The following AGBL1 variants were observed in gnomAD, a reference collection of about 807,000 sequenced individuals.
AGBL1 encodes AGBL carboxypeptidase 1, also known as cytosolic carboxypeptidase 4.
A neutral mutation model predicts 118.9 loss-of-function variants in AGBL1; 130 were observed. The observed-to-expected ratio is 1.09, with a 90% confidence interval of 0.95 to 1.26. The LOEUF is 1.26. Among genes scored for constraint, AGBL1 ranks in the 50% most tolerant of loss-of-function variants. The pLI is 0.00. For missense variants in AGBL1, 1,584 were observed against 1,298.1 expected (o/e 1.22, Z -3.38); for synonymous variants, 555 against 478.9 (o/e 1.16, Z -2.08).
At chr15:86,139,683 G>A (rs2076935734) in intron 1 of AGBL1, among the ~76,000 whole-genome samples, 1 of 151,998 alleles carries the variant, frequency 6.6e-6, no homozygotes, top group African/African-American at 2.4e-5. Flanking sequence ...TCTCAGAATA[G>A]GAGTTAGAAA....
intron 22 of AGBL1, among the ~76,000 whole-genome samples, chr15:86,858,390 T>A (rs2141474505): frequency 6.6e-6 from 1 of 152,140 alleles, no homozygotes; most frequent in South Asian, 2.1e-4. Context: ...GGCACAGGAC[T>A]AAATACTGGG....
At chr15:86,263,450 T>C (rs999474476) in intron 10 of AGBL1, among the ~76,000 whole-genome samples, 1 of 152,188 alleles carries the variant, frequency 6.6e-6, no homozygotes, top group Non-Finnish European at 1.5e-5. Context: ...CATTCCCCAT[T>C]GTTAGGTAAT....
chr15:86,752,203 C>T (rs2077864972), intron 22 of AGBL1, among the ~76,000 whole-genome samples: 1 of 152,020 alleles, frequency 6.6e-6, no homozygotes, highest in Non-Finnish European at 1.5e-5. Context: ...CTAAATGAAG[C>T]CCTCACACTG....
chr15:86,277,431 C>G (rs924564078), intron 15 of AGBL1, among the ~76,000 whole-genome samples: 2 of 152,106 alleles, frequency 1.3e-5, no homozygotes, highest in South Asian at 2.1e-4. Flanking sequence ...CATGGAAGCT[C>G]AAGAGCTAAG....
At chr15:86,233,329 A>G (rs563801173) in intron 6 of AGBL1, among the ~76,000 whole-genome samples, 4 of 152,066 alleles carry the variant, frequency 2.6e-5, no homozygotes, top group Non-Finnish European at 5.9e-5. Context: ...TTTTTCAAAC[A>G]TGGGAGGGCT....
chr15:87,008,355 C>A (rs539678728), intron 24 of AGBL1, among the ~76,000 whole-genome samples: 1 of 152,282 alleles, frequency 6.6e-6, no homozygotes, highest in East Asian at 1.9e-4. Context: ...AGGAGTTTCC[C>A]TGCACAAGCT....
At chr15:86,325,803 C>T (rs1253577051) in intron 17 of AGBL1, among the ~76,000 whole-genome samples, 2 of 152,140 alleles carry the variant, frequency 1.3e-5, no homozygotes, top group African/African-American at 4.8e-5. Context: ...TCACATAGAT[C>T]TCAGAGTGGT....
chr15:86,950,887 C>A (rs1402936810), intron 23 of AGBL1, among the ~76,000 whole-genome samples: 1 of 151,844 alleles, frequency 6.6e-6, no homozygotes, highest in Non-Finnish European at 1.5e-5. Context: ...ACTACAATCC[C>A]CTTAGATAAA....
intron 22 of AGBL1, 112 bp downstream of exon 22, chr15:86,674,548 G>T: frequency 2.7e-6 from 3 of 1,106,282 alleles, no homozygotes; most frequent in Non-Finnish European, 2.5e-6. Flanking sequence ...AGAAAATATG[G>T]AAGAATTCCC....
chr15:86,174,010 T>C (rs1214778834), intron 5 of AGBL1, among the ~76,000 whole-genome samples: 3 of 152,284 alleles, frequency 2.0e-5, no homozygotes, highest in African/African-American at 4.8e-5. Context: ...GGGGTTGCAT[T>C]GAATCTGTAG....
At chr15:86,690,417 T>C (rs1026562590) in intron 22 of AGBL1, among the ~76,000 whole-genome samples, 3 of 152,154 alleles carry the variant, frequency 2.0e-5, no homozygotes, top group Admixed American at 6.5e-5. Flanking sequence ...AATGAAAACA[T>C]GTCATCTTAA....
At chr15:86,983,643 G>A (rs1596706195) in intron 23 of AGBL1, among the ~76,000 whole-genome samples, 1 of 152,134 alleles carries the variant, frequency 6.6e-6, no homozygotes. Flanking sequence ...TCAAGATAGA[G>A]AACACAGACT....
At chr15:86,774,493 G>T (rs2078225283) in intron 22 of AGBL1, among the ~76,000 whole-genome samples, 1 of 152,022 alleles carries the variant, frequency 6.6e-6, no homozygotes, top group African/African-American at 2.4e-5. Flanking sequence ...AATATTGAAT[G>T]AAACAGAGTA....
At chr15:86,355,088 G>T (rs2080691913) in intron 17 of AGBL1, among the ~76,000 whole-genome samples, 1 of 152,154 alleles carries the variant, frequency 6.6e-6, no homozygotes. Context: ...CCAAATAAGA[G>T]CCCAGGCCAG....
At chr15:86,670,600 GACACACAC>G (rs9302341) in intron 21 of AGBL1, among the ~76,000 whole-genome samples, 12 of 133,224 alleles carry the variant, frequency 9.0e-5, no homozygotes, top group Non-Finnish European at 1.6e-4. Context: ...GTGAAACTCT[GACACACAC>G]ACACACACAC....
At chr15:86,086,701 T>C (rs1013325894) in intron 1 of AGBL1, among the ~76,000 whole-genome samples, 2 of 152,206 alleles carry the variant, frequency 1.3e-5, no homozygotes, top group Admixed American at 6.5e-5. Context: ...TACAGTAACA[T>C]GGAGGAATCG....
At chr15:86,566,242 G>C (rs932640014) in intron 21 of AGBL1, among the ~76,000 whole-genome samples, 1 of 152,198 alleles carries the variant, frequency 6.6e-6, no homozygotes, top group Non-Finnish European at 1.5e-5. Flanking sequence ...CTGTAGACTG[G>C]AGCTGTTCCT....
chr15:86,771,687 C>G (rs2078184411), intron 22 of AGBL1, among the ~76,000 whole-genome samples: 1 of 151,888 alleles, frequency 6.6e-6, no homozygotes, highest in South Asian at 2.1e-4. Flanking sequence ...GCTTGTCAGA[C>G]ATTCAGGGAT....
intron 5 of AGBL1, among the ~76,000 whole-genome samples, chr15:86,196,248 C>T (rs973840561): frequency 3.9e-5 from 6 of 152,064 alleles, no homozygotes; most frequent in African/African-American, 1.5e-4. Flanking sequence ...GTAGGATGGA[C>T]GTCAGGGTTG....
Sources: allele counts gnomAD v4.1 joint callset (sites outside exome capture counted in the v4.1 genomes callset), GRCh38; gene constraint gnomAD v4.1.1; transcripts MANE v1.5; gene names NCBI Gene and HGNC (gene_info 2026-07-23, HGNC 2026-07-21).